Variants in DSCAM observed in about 807,000 individuals in gnomAD.
The protein encoded by DSCAM is cell adhesion molecule DSCAM.
In DSCAM, 47 loss-of-function variants were observed where a neutral mutation model predicts 217.7. The observed-to-expected ratio is 0.22, with a 90% CI of 0.17 to 0.28. DSCAM has a LOEUF of 0.28. Ranked by LOEUF, DSCAM falls within the 10% of genes least tolerant of loss-of-function variation. The pLI is 1.00. For synonymous variants in DSCAM, 1,056 were observed against 1,015.3 expected (o/e 1.04, Z -0.76); for missense variants, 2,080 against 2,618.3 (o/e 0.79, Z 4.49).
At chr21:40,543,663 C>A (rs781578478) in intron 3 of DSCAM, among the ~76,000 whole-genome samples, 1 of 152,062 alleles carries the variant, frequency 6.6e-6, no homozygotes, top group Non-Finnish European at 1.5e-5. Context: ...GCCTCCAAAC[C>A]CTGTCTACTT....
intron 26 of DSCAM, among the ~76,000 whole-genome samples, chr21:40,075,536 T>C (rs2089354213): frequency 1.3e-5 from 2 of 152,200 alleles, no homozygotes; most frequent in South Asian, 4.1e-4. Flanking sequence ...GAATTAAGTG[T>C]TCCCTTGACT....
intron 3 of DSCAM, among the ~76,000 whole-genome samples, chr21:40,528,695 C>T (rs1030911771): frequency 2.0e-5 from 3 of 152,036 alleles, no homozygotes; most frequent in Admixed American, 1.3e-4. Flanking sequence ...TACGTCCCTA[C>T]TCCTCCACTG....
rs2123827823 is a variant in DSCAM at position 40,425,036 on chromosome 21, T to C, written c.509-55791A>G. Among the ~76,000 whole-genome samples, 2 of 152,206 alleles carry C rather than the reference T, an allele frequency of 1.3e-5. 1 individual carries two copies. The highest frequency in any genetic ancestry group is 3.9e-4 in the East Asian group (2 of 5,164). ...TTGCTTGAACCTGGGGGGTGGAGGTTGCAGAGAGCCAAGATTGCACCACTG... is the reference window on the plus strand; with the variant it reads ...TTGCTTGAACCTGGGGGGTGGAGGTCGCAGAGAGCCAAGATTGCACCACTG... On this transcript the variant is annotated intron_variant, in intron 3 of 32. Coordinates refer to ENST00000400454, the MANE Select transcript of DSCAM (RefSeq NM_001389.5).
At chr21:40,403,324 G>T (rs1262566421) in intron 3 of DSCAM, among the ~76,000 whole-genome samples, 1 of 149,736 alleles carries the variant, frequency 6.7e-6, no homozygotes, top group Non-Finnish European at 1.5e-5. Context: ...TTGAGACAAG[G>T]TCTCACTCTG....
intron 19 of DSCAM, among the ~76,000 whole-genome samples, chr21:40,125,705 G>T (rs2090086000): frequency 6.6e-6 from 1 of 152,186 alleles, no homozygotes; most frequent in South Asian, 2.1e-4. Flanking sequence ...TCTAGAAAAG[G>T]TAACACACAT....
chr21:40,380,269 T>C (rs1380788960), intron 3 of DSCAM, among the ~76,000 whole-genome samples: 1 of 152,236 alleles, frequency 6.6e-6, no homozygotes, highest in Non-Finnish European at 1.5e-5. Flanking sequence ...CTAGTTAGAT[T>C]TCTAGTTGTT....
At chr21:40,160,874 A>G (rs1277195249) in intron 16 of DSCAM, among the ~76,000 whole-genome samples, 1 of 152,210 alleles carries the variant, frequency 6.6e-6, no homozygotes, top group Non-Finnish European at 1.5e-5. Context: ...GAAACCATCC[A>G]ACAGGATTTC....
At chr21:40,744,453 T>C (rs2091154900) in intron 1 of DSCAM, among the ~76,000 whole-genome samples, 1 of 151,462 alleles carries the variant, frequency 6.6e-6, no homozygotes, top group African/African-American at 2.4e-5. Flanking sequence ...TGGAAACAAC[T>C]GAGTTTGGAA....
At chr21:40,180,521 G>A (rs1275213877) in intron 14 of DSCAM, among the ~76,000 whole-genome samples, 1 of 152,088 alleles carries the variant, frequency 6.6e-6, no homozygotes, top group African/African-American at 2.4e-5. Context: ...ATGAGGAGAG[G>A]AAATTTTATA....
intron 20 of DSCAM, among the ~76,000 whole-genome samples, chr21:40,106,895 A>G (rs201920406): frequency 8.3e-6 from 1 of 120,574 alleles, no homozygotes; most frequent in South Asian, 3.3e-4. Flanking sequence ...TGGTCTATCT[A>G]TTTTATTTTT....
chr21:40,282,972 C>G (rs544094489), intron 10 of DSCAM, among the ~76,000 whole-genome samples: 1 of 152,256 alleles, frequency 6.6e-6, no homozygotes, highest in African/African-American at 2.4e-5. Flanking sequence ...TAAATCTTTT[C>G]TTCATCAGAA....
At chr21:40,692,783 C>A in intron 3 of DSCAM, 27 bp downstream of exon 3, 1 of 1,603,548 alleles carries the variant, frequency 6.2e-7, no homozygotes, top group Non-Finnish European at 8.5e-7. Context: ...AGCGTGGTGT[C>A]CTGCACCCTG....
At chr21:40,374,781 G>A (rs57202495) in intron 3 of DSCAM, among the ~76,000 whole-genome samples, 11,577 of 152,238 alleles carry the variant, frequency 0.076, 767 homozygotes, top group Admixed American at 0.23. Flanking sequence ...CTGTGGGATC[G>A]CAGTGAGAAG....
Position 40,016,926 on chromosome 21 carries a change from G to A in DSCAM, c.5687-3540C>T, listed in dbSNP as rs1449112553. 6.6e-6 allele frequency among the ~76,000 whole-genome samples: 1 copy of A among 152,112 alleles called. No homozygotes were observed. Among genetic ancestry groups the A allele is most frequent in the Non-Finnish European group, 1.5e-5 (1 of 68,014 alleles). On this transcript the variant is annotated intron_variant, in intron 32 of 32. Coordinates refer to ENST00000400454, the MANE Select transcript of DSCAM (RefSeq NM_001389.5). This position sits in a 1 kb window ranked among gnomAD's most constrained non-coding sequence, Gnocchi z 4.3. ...AGGTCAGGTGTTCGAGACCAGCCAG[G>A]CCAAAATGGGGAAACCCCGTCTCTA...
rs1455122938 is a variant in DSCAM, at chr21:40,432,926, C to A, written c.509-63681G>T. ...ACCTACTCTCTTAACCAGGTTGACCCATCGCTTCTCGTTTGTTCTTCTTTC... is the reference window on the plus strand; with the variant it reads ...ACCTACTCTCTTAACCAGGTTGACCAATCGCTTCTCGTTTGTTCTTCTTTC... On this transcript the variant is annotated intron_variant, in intron 3 of 32. Coordinates refer to ENST00000400454, the MANE Select transcript of DSCAM (RefSeq NM_001389.5). Among the ~76,000 whole-genome samples the A allele has an allele frequency of 9.9e-5, 15 of 152,246 alleles. No individual in the cohort carries two copies. The East Asian group carries it at 2.3e-3, about 24-fold the overall frequency.
chr21:40,476,173 G>A (rs192797374), intron 3 of DSCAM, among the ~76,000 whole-genome samples: 6 of 152,212 alleles, frequency 3.9e-5, no homozygotes, highest in East Asian at 3.9e-4. Context: ...TGCCAGAAAC[G>A]TCCTTGTATT....
At position 40,187,167 on chromosome 21, in the gene DSCAM, T is replaced by C; in HGVS notation, c.2743A>G (p.Ile915Val). The change falls in exon 14 of 33, where the codon ATC (isoleucine) becomes GTC (valine). Residue 915 changes from isoleucine to valine, a missense_variant. Ile to Val is a conservative substitution (Grantham distance 29). Transcript: ENST00000400454. ...WTMGFDGNSPITGYDIECKNK... is the reference protein window; with the variant it reads ...WTMGFDGNSPVTGYDIECKNK... ...TTGCATTCAATATCGTAGCCTGTGA[T>C]GGGACTGTTTCCATCAAACCCCATG... 2 of 1,614,158 alleles carry C rather than the reference T, an allele frequency of 1.2e-6. No homozygotes were observed. The highest frequency in any genetic ancestry group is 1.7e-6 in the Non-Finnish European group (2 of 1,179,998).
intron 3 of DSCAM, among the ~76,000 whole-genome samples, chr21:40,415,152 A>G (rs2123803282): frequency 6.6e-6 from 1 of 152,336 alleles, no homozygotes; most frequent in East Asian, 1.9e-4. Context: ...ATCAAATTAA[A>G]GATTATCATC....
chr21:40,773,555 G>A (rs2091464059), intron 1 of DSCAM, among the ~76,000 whole-genome samples: 1 of 152,138 alleles, frequency 6.6e-6, no homozygotes, highest in Non-Finnish European at 1.5e-5. Flanking sequence ...TCAAAATAAG[G>A]TCAGATTCTG....
Sources: allele counts gnomAD v4.1 joint callset (sites outside exome capture counted in the v4.1 genomes callset), GRCh38; gene constraint gnomAD v4.1.1; non-coding constraint Gnocchi (gnomAD v3.1); transcripts MANE v1.5; gene names NCBI Gene and HGNC (gene_info 2026-07-23, HGNC 2026-07-21).